ATXN7: variants seen among roughly 807,000 people sequenced by gnomAD.
The protein encoded by ATXN7 is ataxin 7.
ATXN7 carries 12 observed loss-of-function variants against 70.5 expected under a neutral mutation model. That is an observed-to-expected ratio of 0.17 (90% confidence interval 0.11 to 0.28). The LOEUF (loss-of-function observed/expected upper bound fraction) is 0.28, where lower values mean the gene tolerates loss of function less well. Ranked by LOEUF, ATXN7 falls within the 10% of genes least tolerant of loss-of-function variation. The probability of loss-of-function intolerance (pLI) is 1.00; values close to 1 mark genes in which losing one functional copy is unlikely to be tolerated. For synonymous variants in ATXN7, 498 were observed against 448.7 expected (o/e 1.11, Z -1.39); for missense variants, 1,256 against 1,131.7 (o/e 1.11, Z -1.58).
At chr3:63,976,941 T>C (rs182575028) in intron 5 of ATXN7, among the ~76,000 whole-genome samples, 47 of 152,322 alleles carry the variant, frequency 3.1e-4, no homozygotes, top group African/African-American at 1.1e-3. Context: ...GCAGTTACCT[T>C]GAAAAGACCT....
At chr3:63,919,327 T>G (rs1473949647) in intron 4 of ATXN7, among the ~76,000 whole-genome samples, 1 of 152,178 alleles carries the variant, frequency 6.6e-6, no homozygotes, top group Non-Finnish European at 1.5e-5. Context: ...TACTATTGGT[T>G]CTTTACAGGA....
chr3:63,870,086 A>G (rs1394605409), intron 1 of ATXN7, among the ~76,000 whole-genome samples: 1 of 152,170 alleles, frequency 6.6e-6, no homozygotes, highest in African/African-American at 2.4e-5. Context: ...TTACTTTGCC[A>G]GCCATCCAGG....
intron 4 of ATXN7, among the ~76,000 whole-genome samples, chr3:63,939,251 C>A (rs976964375): frequency 6.6e-6 from 1 of 152,104 alleles, no homozygotes. Context: ...GCATGGCATC[C>A]TTCTCTTCAC....
Position 63,898,586 on chromosome 3 carries a change from A to G in ATXN7, c.-12+89A>G, listed in dbSNP as rs1034615857. The G allele has an allele frequency of 3.3e-5, 5 of 152,260 alleles. No homozygotes were observed. In the East Asian group the frequency reaches 7.7e-4, roughly 23 times the overall value. 9.4% of individuals were successfully genotyped at this position (152,260 alleles called of 1,614,324 possible). A position where few individuals can be genotyped will look rare whatever the true frequency, so the allele number is the denominator to read the frequency against. On this transcript the variant is annotated intron_variant, in intron 2 of 12. Transcript: ENST00000674280. ...AGTTTGAGTTTTACCAAAGGATGAT[A>G]GTTTATTTTAAGGCATCTGTGTAAG...
intron 5 of ATXN7, among the ~76,000 whole-genome samples, chr3:63,964,902 A>T (rs1370537000): frequency 1.3e-5 from 2 of 152,220 alleles, no homozygotes; most frequent in African/African-American, 4.8e-5. Context: ...AATTAAGGCC[A>T]ATTATAACTC....
chr3:63,887,631 G>T (rs549974132), intron 1 of ATXN7, among the ~76,000 whole-genome samples: 8 of 151,952 alleles, frequency 5.3e-5, no homozygotes, highest in Non-Finnish European at 1.2e-4. Context: ...TGCCACCCAG[G>T]CTGGAGTATG....
intron 9 of ATXN7, among the ~76,000 whole-genome samples, chr3:63,989,009 G>A (rs925943188): frequency 1.3e-5 from 2 of 152,194 alleles, no homozygotes; most frequent in Non-Finnish European, 2.9e-5. Context: ...TTTATTGGGA[G>A]CAAGAGCTTC....
intron 1 of ATXN7, among the ~76,000 whole-genome samples, chr3:63,868,467 G>T (rs1177864554): frequency 6.6e-6 from 1 of 152,154 alleles, no homozygotes. Flanking sequence ...AACATCTGAG[G>T]AAACATGTAT....
intron 1 of ATXN7, among the ~76,000 whole-genome samples, chr3:63,881,519 C>T (rs570647478): frequency 4.9e-4 from 69 of 141,230 alleles, no homozygotes; most frequent in South Asian, 3.1e-3. Flanking sequence ...GACGGAGTCT[C>T]GCTCTGTCGC....
upstream of ATXN7, chr3:63,863,432 C>T: frequency 9.0e-7 from 1 of 1,108,386 alleles, no homozygotes; most frequent in Non-Finnish European, 1.1e-6. Flanking sequence ...GTCCCACCCG[C>T]CCTTGCACCG....
rs374582649 is a variant in ATXN7 at position 63,969,640 on chromosome 3, G to C, written c.500-10275G>C. 2.0e-5 allele frequency among the ~76,000 whole-genome samples: 3 copies of C among 152,118 alleles called. No individual in the cohort carries two copies. The East Asian group carries it at 5.8e-4, about 29-fold the overall frequency. ...TTTTTAATTGTCTTTTAGCATTTTG[G>C]TAATAGCCCATATGTTTCATTTGGG... On this transcript the variant is annotated intron_variant, in intron 5 of 12. Coordinates refer to ENST00000674280, the MANE Select transcript of ATXN7 (RefSeq NM_001377405.1).
intron 4 of ATXN7, among the ~76,000 whole-genome samples, chr3:63,928,332 T>C (rs1294190840): frequency 2.1e-5 from 3 of 145,296 alleles, no homozygotes; most frequent in Non-Finnish European, 4.5e-5. Flanking sequence ...TACTTATATA[T>C]AGGATTTAGA....
intron 4 of ATXN7, among the ~76,000 whole-genome samples, chr3:63,917,086 C>G (rs933554255): frequency 2.6e-5 from 4 of 151,790 alleles, no homozygotes; most frequent in African/African-American, 7.3e-5. Flanking sequence ...CGCCTGGCTA[C>G]TTTTTGTATT....
chr3:63,935,153 T>G (rs963226112), intron 4 of ATXN7, among the ~76,000 whole-genome samples: 1 of 152,230 alleles, frequency 6.6e-6, no homozygotes, highest in African/African-American at 2.4e-5. Context: ...TTGATGCTGC[T>G]GCTCTTCCAC....
At chr3:63,961,399 A>G (rs2075128370) in intron 5 of ATXN7, among the ~76,000 whole-genome samples, 1 of 152,154 alleles carries the variant, frequency 6.6e-6, no homozygotes, top group Non-Finnish European at 1.5e-5. Flanking sequence ...CAGTGCTCTA[A>G]GGACCGTCCT....
intron 1 of ATXN7, among the ~76,000 whole-genome samples, chr3:63,891,156 C>T (rs1212540469): frequency 1.3e-5 from 2 of 151,616 alleles, no homozygotes; most frequent in African/African-American, 2.4e-5. Flanking sequence ...ACTACAGGCA[C>T]GCAGCACCAC....
chr3:63,866,574 G>A (rs2107189116), intron 1 of ATXN7, among the ~76,000 whole-genome samples: 1 of 152,298 alleles, frequency 6.6e-6, no homozygotes, highest in South Asian at 2.1e-4. Context: ...CTTGACTCAA[G>A]TGGTGGGAAA....
chr3:63,988,237 C>G lies in ATXN7; in HGVS notation c.1274C>G (p.Pro425Arg). 6.2e-7 allele frequency: 1 copy of G among 1,614,102 alleles called. No homozygotes were observed. The highest frequency in any genetic ancestry group is 8.5e-7 in the Non-Finnish European group (1 of 1,180,018). ...HPAPPRTSQE[P>R]HQNPHGVIPS... ...GCCCCTCCTAGAACGTCACAGGAGC[C>G]GCACCAAAACCCTCACGGAGTGATT... The change falls in exon 9 of 13, where the codon CCG (proline) becomes CGG (arginine). Residue 425 changes from proline (P) to arginine (R), a missense_variant. Physicochemically the swap from Pro to Arg is moderately radical, Grantham distance 103. Transcript: ENST00000674280.
At chr3:63,873,768 A>G (rs138363263) in intron 1 of ATXN7, 6 of 152,318 alleles carry the variant, frequency 3.9e-5, no homozygotes, top group East Asian at 3.9e-4. Flanking sequence ...CAGTGGCACA[A>G]TCGTGGCTTA....
Sources: gnomAD v4.1 joint callset for allele counts (sites outside exome capture counted in the v4.1 genomes callset) on GRCh38, gnomAD v4.1.1 for gene constraint, MANE v1.5 for transcripts, NCBI Gene and HGNC (gene_info 2026-07-23, HGNC 2026-07-21) for gene names.